Variants in UBE2H observed in about 807,000 individuals in gnomAD.
The protein encoded by UBE2H is ubiquitin-conjugating enzyme E2 H.
A neutral mutation model predicts 29.0 loss-of-function variants in UBE2H; 3 were observed. The observed-to-expected ratio is 0.10, with a 90% CI of 0.05 to 0.27. The LOEUF (loss-of-function observed/expected upper bound fraction) is 0.27, where lower values mean the gene tolerates loss of function less well. UBE2H is among the 10% of genes least tolerant of loss of function. UBE2H has a pLI of 1.00. For missense variants in UBE2H, 68 were observed against 228.2 expected (o/e 0.30, Z 4.52); for synonymous variants, 69 against 82.9 (o/e 0.83, Z 0.91).
intron 3 of UBE2H, among the ~76,000 whole-genome samples, chr7:129,866,883 C>T (rs148294633): frequency 6.0e-4 from 92 of 152,232 alleles, no homozygotes; most frequent in Middle Eastern, 3.4e-3. Flanking sequence ...CATCATTAAT[C>T]GTGAAGATTA....
chr7:129,905,800 A>G (rs373289712), intron 1 of UBE2H, among the ~76,000 whole-genome samples: 4 of 152,134 alleles, frequency 2.6e-5, no homozygotes, highest in East Asian at 1.9e-4. Context: ...AGGGCCTAAG[A>G]CTTACAGAGA....
rs150437293 is a variant in UBE2H at position 129,881,629 on chromosome 7, T to C, written c.54-658A>G. On this transcript the variant is annotated intron_variant, in intron 1 of 6. Coordinates refer to ENST00000355621, the MANE Select transcript of UBE2H (RefSeq NM_003344.4). Reference sequence around the variant, plus strand: ...CATCACTGCACTCCAGCCTGGGTGATAGGGTGAGACTCAGTCTCAAAAATA... The same window carrying C: ...CATCACTGCACTCCAGCCTGGGTGACAGGGTGAGACTCAGTCTCAAAAATA... Among the ~76,000 whole-genome samples the C allele has an allele frequency of 6.7e-3, 1,020 of 152,104 alleles. 18 individuals are homozygous for C. The highest frequency in any genetic ancestry group is 0.023 in the African/African-American group (971 of 41,472).
chr7:129,867,782 TA>T (rs79333410), intron 3 of UBE2H, among the ~76,000 whole-genome samples: 15,246 of 108,596 alleles, frequency 0.14, 964 homozygotes, highest in South Asian at 0.19. Flanking sequence ...AAAATTAGAT[TA>T]AAAAAAAAAA....
intron 1 of UBE2H, among the ~76,000 whole-genome samples, chr7:129,897,848 T>C (rs149634731): frequency 4.8e-4 from 73 of 152,336 alleles, no homozygotes; most frequent in African/African-American, 1.6e-3. Context: ...GTCTTCTTGA[T>C]TGAAATTCTG....
At chr7:129,906,647 T>C (rs1806823850) in intron 1 of UBE2H, among the ~76,000 whole-genome samples, 1 of 152,110 alleles carries the variant, frequency 6.6e-6, no homozygotes, top group African/African-American at 2.4e-5. Context: ...CAGAGAAAAT[T>C]CAAGTTTTAA....
At chr7:129,928,552 G>A (rs1051867635) in intron 1 of UBE2H, among the ~76,000 whole-genome samples, 2 of 152,190 alleles carry the variant, frequency 1.3e-5, no homozygotes, top group Admixed American at 6.5e-5. Context: ...GCAGTGAGCC[G>A]AGATTGCACC....
intron 1 of UBE2H, among the ~76,000 whole-genome samples, chr7:129,907,774 T>C (rs1181525580): frequency 6.6e-6 from 1 of 152,174 alleles, no homozygotes; most frequent in Non-Finnish European, 1.5e-5. Context: ...TTACTGCATA[T>C]AAATTATACC....
intron 1 of UBE2H, among the ~76,000 whole-genome samples, chr7:129,926,224 C>T (rs1807266118): frequency 6.6e-6 from 1 of 152,070 alleles, no homozygotes. Context: ...AAACTCCTGG[C>T]CTCGGCCCGG....
intron 1 of UBE2H, among the ~76,000 whole-genome samples, chr7:129,899,880 C>A (rs941218430): frequency 5.3e-5 from 8 of 152,190 alleles, no homozygotes; most frequent in Admixed American, 2.6e-4. Context: ...GTAAATCCAG[C>A]ACTTTGGGAG....
intron 1 of UBE2H, among the ~76,000 whole-genome samples, chr7:129,900,292 C>T (rs1219568411): frequency 6.6e-6 from 1 of 152,118 alleles, no homozygotes; most frequent in Non-Finnish European, 1.5e-5. Context: ...AAAAGAATGA[C>T]ATGGATTTAA....
intron 1 of UBE2H, among the ~76,000 whole-genome samples, chr7:129,946,314 C>A (rs1186946306): frequency 2.0e-5 from 3 of 152,120 alleles, no homozygotes; most frequent in Non-Finnish European, 4.4e-5. Context: ...CTGCCTCAAC[C>A]TCCCAAAGTG....
At chr7:129,862,665 G>A (rs987641867) in intron 3 of UBE2H, among the ~76,000 whole-genome samples, 1 of 152,184 alleles carries the variant, frequency 6.6e-6, no homozygotes, top group African/African-American at 2.4e-5. Flanking sequence ...CAAGTGCAAA[G>A]CACATTAGGA....
chr7:129,923,565 T>G (rs184985391), intron 1 of UBE2H, among the ~76,000 whole-genome samples: 1 of 152,292 alleles, frequency 6.6e-6, no homozygotes, highest in African/African-American at 2.4e-5. Flanking sequence ...ATAAGCCAAA[T>G]TTAGGTTAAA....
intron 1 of UBE2H, among the ~76,000 whole-genome samples, chr7:129,901,664 A>G (rs56176516): frequency 0.063 from 9,616 of 152,160 alleles, 382 homozygotes; most frequent in Non-Finnish European, 0.092. Context: ...GTGTGATCTC[A>G]GCTCACTGCA....
In UBE2H at chr7:129,952,643, C is replaced by T. The variant is rs568522570; in HGVS notation, c.-88G>A. On this transcript the variant is annotated 5_prime_UTR_variant, in exon 1 of 7. Transcript: ENST00000355621. Reference sequence around the variant, plus strand: ...TGAGGAGCCCGCGGCCGCGCCGGCTCCTCGGTGGAGGTGGCAACACCCCCG... The same window carrying T: ...TGAGGAGCCCGCGGCCGCGCCGGCTTCTCGGTGGAGGTGGCAACACCCCCG... 4.6e-6 allele frequency: 7 copies of T among 1,518,202 alleles called. No individual in the cohort carries two copies. In the African/African-American group the frequency reaches 8.5e-5, roughly 18 times the overall value. 94.0% of individuals were successfully genotyped at this position (1,518,202 alleles called of 1,614,324 possible).
At chr7:129,935,003 A>ATGTG (rs769803644) in intron 1 of UBE2H, among the ~76,000 whole-genome samples, 1 of 149,348 alleles carries the variant, frequency 6.7e-6, no homozygotes, top group African/African-American at 2.5e-5. Context: ...GTGTGTGTAT[A>ATGTG]TGTGTGTGTG....
intron 5 of UBE2H, among the ~76,000 whole-genome samples, chr7:129,843,384 T>C (rs1294346081): frequency 6.6e-6 from 1 of 152,140 alleles, no homozygotes; most frequent in Non-Finnish European, 1.5e-5. Flanking sequence ...GGTCTGCATA[T>C]ACACTCTTAA....
chr7:129,911,099 T>A (rs1308291249), intron 1 of UBE2H, among the ~76,000 whole-genome samples: 2 of 151,934 alleles, frequency 1.3e-5, no homozygotes, highest in Non-Finnish European at 2.9e-5. Flanking sequence ...GCATGGTGAC[T>A]CATGCCTGTA....
At chr7:129,866,589 T>G (rs1805908483) in intron 3 of UBE2H, among the ~76,000 whole-genome samples, 2 of 152,190 alleles carry the variant, frequency 1.3e-5, no homozygotes, top group African/African-American at 4.8e-5. Context: ...TCTCTACCAC[T>G]CTTAGAGTTG....
Sources: allele counts gnomAD v4.1 joint callset (sites outside exome capture counted in the v4.1 genomes callset), GRCh38; gene constraint gnomAD v4.1.1; transcripts MANE v1.5; gene names NCBI Gene and HGNC (gene_info 2026-07-23, HGNC 2026-07-21).